Variants in CCDC141 observed in about 807,000 individuals in gnomAD.
CCDC141 encodes coiled-coil domain-containing protein 141.
CCDC141 carries 168 observed loss-of-function variants against 181.0 expected under a neutral mutation model. That is an observed-to-expected ratio of 0.93 (90% CI 0.82 to 1.05). CCDC141 has a LOEUF of 1.05. Among genes scored for constraint, CCDC141 ranks in the 50% least tolerant of loss-of-function variants. The pLI is 0.00. For missense variants in CCDC141, 1,902 were observed against 1,788.5 expected, an observed-to-expected ratio of 1.06 and a Z score of -1.14; for synonymous variants, 666 against 642.3, an observed-to-expected ratio of 1.04 and a Z score of -0.56.
At chr2:178,924,953 G>A (rs1431738140) in intron 6 of CCDC141, among the ~76,000 whole-genome samples, 1 of 152,186 alleles carries the variant, frequency 6.6e-6, no homozygotes, top group Non-Finnish European at 1.5e-5. Context: ...AGAAGATTTT[G>A]CTTTTTGAGC....
chr2:178,945,995 C>T (rs1167371119), intron 5 of CCDC141, among the ~76,000 whole-genome samples: 1 of 152,124 alleles, frequency 6.6e-6, no homozygotes, highest in African/African-American at 2.4e-5. Context: ...ATGGAATGGG[C>T]ATTTAAAATA....
intron 2 of CCDC141, among the ~76,000 whole-genome samples, chr2:179,019,289 A>G (rs149953557): frequency 1.3e-3 from 198 of 152,298 alleles, no homozygotes; most frequent in African/African-American, 4.4e-3. Context: ...TTCACGGTCT[A>G]CGTTGCTGAT....
At chr2:178,889,186 T>C (rs572534808) in intron 8 of CCDC141, among the ~76,000 whole-genome samples, 1 of 141,768 alleles carries the variant, frequency 7.1e-6, no homozygotes, top group Admixed American at 7.5e-5. Flanking sequence ...CACCAACAAT[T>C]AGAAATCAAA....
intron 2 of CCDC141, among the ~76,000 whole-genome samples, chr2:178,981,667 T>TATATATAC (rs1559024766): frequency 9.8e-6 from 1 of 102,160 alleles, no homozygotes; most frequent in African/African-American, 3.1e-5. Flanking sequence ...TACATACATA[T>TATATATAC]ATACATATAT....
At chr2:178,948,354 A>G (rs572848315) in intron 5 of CCDC141, among the ~76,000 whole-genome samples, 1 of 152,306 alleles carries the variant, frequency 6.6e-6, no homozygotes, top group South Asian at 2.1e-4. Flanking sequence ...GAAAATTTAA[A>G]ATCACATCAG....
intron 6 of CCDC141, among the ~76,000 whole-genome samples, chr2:178,919,968 G>A (rs1352321595): frequency 2.0e-5 from 3 of 152,200 alleles, no homozygotes; most frequent in Non-Finnish European, 4.4e-5. Flanking sequence ...TTTGTTGCAT[G>A]AGAATGGAAA....
At chr2:178,899,422 G>C (rs1295839872) in intron 8 of CCDC141, among the ~76,000 whole-genome samples, 11 of 152,068 alleles carry the variant, frequency 7.2e-5, no homozygotes, top group Non-Finnish European at 2.9e-5. Flanking sequence ...TGCACATAGA[G>C]AGGGCTCAAT....
In CCDC141 at chr2:178,938,939, G is replaced by A. The variant is rs1000119927; in HGVS notation, c.897+5596C>T. Among the ~76,000 whole-genome samples, 4 of 152,228 alleles carry A rather than the reference G, an allele frequency of 2.6e-5. No individual in the cohort carries two copies. The East Asian group carries it at 7.7e-4, about 29-fold the overall frequency. ...CAGAACGTATTCTGTTCTGGAGTAAGGGAAGACAAAGAATATAGAACTATA... is the reference window on the plus strand; with the variant it reads ...CAGAACGTATTCTGTTCTGGAGTAAAGGAAGACAAAGAATATAGAACTATA... On this transcript the variant is annotated intron_variant, in intron 6 of 23. Coordinates refer to ENST00000443758, the MANE Select transcript of CCDC141 (RefSeq NM_173648.4).
At chr2:178,985,951 A>T (rs1010562185) in intron 2 of CCDC141, among the ~76,000 whole-genome samples, 36 of 152,242 alleles carry the variant, frequency 2.4e-4, no homozygotes, top group South Asian at 1.2e-3. Context: ...GAGGGAATCC[A>T]CCCTAACTCA....
intron 7 of CCDC141, among the ~76,000 whole-genome samples, chr2:178,917,700 C>T (rs763801820): frequency 2.6e-5 from 4 of 152,230 alleles, no homozygotes; most frequent in African/African-American, 9.6e-5. Flanking sequence ...GCCTCTTACA[C>T]TGAGCCGTAC....
chr2:178,854,117 T>A (rs935737791), intron 19 of CCDC141, among the ~76,000 whole-genome samples: 7 of 152,250 alleles, frequency 4.6e-5, no homozygotes, highest in Admixed American at 4.6e-4. Flanking sequence ...CTTTGAAGAA[T>A]AAGATTTAGT....
At chr2:178,872,442 A>C in intron 12 of CCDC141, 130 bp from the exon 13 acceptor site, 1 of 794,404 alleles carries the variant, frequency 1.3e-6, no homozygotes, top group South Asian at 1.9e-5. Flanking sequence ...CATCCAAGCA[A>C]GTCCGAAATC....
downstream of CCDC141, among the ~76,000 whole-genome samples, chr2:178,827,543 T>A (rs185397594): frequency 6.6e-6 from 1 of 152,286 alleles, no homozygotes; most frequent in Admixed American, 6.5e-5. Flanking sequence ...CAGCTTCCTC[T>A]AGAACTCTTT....
Position 178,936,593 on chromosome 2 carries a change from T to C in CCDC141, c.897+7942A>G, listed in dbSNP as rs576116876. On this transcript the variant is annotated intron_variant, in intron 6 of 23. Coordinates refer to ENST00000443758, the MANE Select transcript of CCDC141 (RefSeq NM_173648.4). The stretch of plus-strand genomic sequence containing the variant: ...TGGCTATTTGGGCTCTTTTTGATCT[T>C]ATATGAATTTTAAAATAGGTTTTTC... 2.0e-5 allele frequency among the ~76,000 whole-genome samples: 3 copies of C among 152,068 alleles called. No homozygotes were observed. The East Asian group carries it at 5.8e-4, about 29-fold the overall frequency.
chr2:179,050,137 C>A lies in CCDC141; in HGVS notation c.-196G>T, dbSNP rs1008420893. The stretch of plus-strand genomic sequence containing the variant: ...GAGTTTATCGTGAGAGAGAAAGGAG[C>A]GAACGAGAGAGAATTGCCACGCCCC... On this transcript the variant is annotated 5_prime_UTR_variant, in exon 1 of 24. Coordinates refer to ENST00000443758, the MANE Select transcript of CCDC141 (RefSeq NM_173648.4). The A allele has an allele frequency of 4.0e-6, 3 of 742,942 alleles. No homozygotes were observed. The highest frequency in any genetic ancestry group is 6.0e-6 in the Non-Finnish European group (3 of 497,308). 46.0% of individuals were successfully genotyped at this position (742,942 alleles called of 1,614,324 possible).
At chr2:179,038,805 G>T (rs1294255328) in intron 2 of CCDC141, among the ~76,000 whole-genome samples, 2 of 152,090 alleles carry the variant, frequency 1.3e-5, no homozygotes, top group Non-Finnish European at 2.9e-5. Context: ...CCACTCTAAA[G>T]GGTCATTCTT....
At chr2:179,046,299 A>G (rs1382498004) in intron 2 of CCDC141, among the ~76,000 whole-genome samples, 2 of 152,214 alleles carry the variant, frequency 1.3e-5, no homozygotes, top group Non-Finnish European at 1.5e-5. Context: ...TTAATGCTGT[A>G]CCTGTTCCTG....
chr2:178,984,800 A>G (rs1478965783), intron 2 of CCDC141, among the ~76,000 whole-genome samples: 1 of 152,050 alleles, frequency 6.6e-6, no homozygotes, highest in Non-Finnish European at 1.5e-5. Context: ...ATACAGGAGC[A>G]CCCAGATTCA....
the CCDC141 span, among the ~76,000 whole-genome samples, chr2:178,818,619 T>A: frequency 6.6e-6 from 1 of 152,250 alleles, no homozygotes; most frequent in Non-Finnish European, 1.5e-5. Context: ...CATTCCTTTT[T>A]ATGGCTGCAT....
Sources: gnomAD v4.1 joint callset for allele counts (sites outside exome capture counted in the v4.1 genomes callset) on GRCh38, gnomAD v4.1.1 for gene constraint, MANE v1.5 for transcripts, NCBI Gene and HGNC (gene_info 2026-07-23, HGNC 2026-07-21) for gene names.